The following NSL1 variants were observed in gnomAD, a reference collection of about 807,000 sequenced individuals.
The protein encoded by NSL1 is NSL1 component of MIS12 kinetochore complex, also known as kinetochore-associated protein NSL1 homolog.
Under a neutral mutation model 25.4 loss-of-function variants are expected in NSL1, and 11 were observed. The observed-to-expected ratio is 0.43, with a 90% CI of 0.27 to 0.72. The LOEUF (loss-of-function observed/expected upper bound fraction) is 0.72. Ranked by LOEUF, NSL1 falls within the 30% of genes least tolerant of loss-of-function variation. NSL1 has a pLI of 0.19. For missense variants in NSL1, 330 were observed against 342.7 expected, an observed-to-expected ratio of 0.96 and a Z score of 0.29; for synonymous variants, 118 against 120.6, an observed-to-expected ratio of 0.98 and a Z score of 0.14.
chr1:212,764,904 T>C (rs1196826601), intron 4 of NSL1, among the ~76,000 whole-genome samples: 1 of 142,810 alleles, frequency 7.0e-6, no homozygotes, highest in Non-Finnish European at 1.5e-5. Flanking sequence ...ACTGGAGATA[T>C]TGTAACTGAT....
chr1:212,762,166 C>T (rs994535885), intron 4 of NSL1, among the ~76,000 whole-genome samples: 10 of 151,772 alleles, frequency 6.6e-5, no homozygotes, highest in South Asian at 2.1e-4. Flanking sequence ...GGCATGGTTG[C>T]GCATGCCTAT....
intron 4 of NSL1, among the ~76,000 whole-genome samples, chr1:212,757,317 C>A (rs1056538499): frequency 6.6e-6 from 1 of 152,002 alleles, no homozygotes; most frequent in African/African-American, 2.4e-5. Flanking sequence ...CACTGGAGGG[C>A]CTTCAACAGG....
At chr1:212,765,919 G>A (rs1659785248) in intron 4 of NSL1, among the ~76,000 whole-genome samples, 1 of 151,934 alleles carries the variant, frequency 6.6e-6, no homozygotes, top group East Asian at 1.9e-4. Flanking sequence ...GGTGGATCAC[G>A]AGGTCAGGAG....
chr1:212,779,256 C>T (rs1328513192), intron 4 of NSL1, among the ~76,000 whole-genome samples: 11 of 149,976 alleles, frequency 7.3e-5, no homozygotes, highest in Admixed American at 1.3e-4. Flanking sequence ...GCCCCCCTCC[C>T]GGCCAGCCGC....
chr1:212,791,590 T>TTGC lies in NSL1; in HGVS notation c.171_173dup (p.Gln58dup). 1 of 1,613,874 alleles carries TTGC rather than the reference T, an allele frequency of 6.2e-7. No individual in the cohort carries two copies. The highest frequency in any genetic ancestry group is 8.5e-7 in the Non-Finnish European group (1 of 1,180,022). On this transcript the variant is annotated inframe_insertion, in exon 1 of 6. Transcript: ENST00000366977. ...CCTCCGGCAGAGCGTCCCCGAGCTT[T>TTGC]TGCACGAAGCGGCCGCACAGTTGTA... is the stretch of plus-strand genomic sequence containing the variant.
Position 212,735,397 on chromosome 1 carries a change from A to C in NSL1, c.*3011T>G, listed in dbSNP as rs555735943. On this transcript the variant is annotated 3_prime_UTR_variant, in exon 6 of 6. Coordinates refer to ENST00000366977, the MANE Select transcript of NSL1 (RefSeq NM_015471.4). Reference sequence around the variant, plus strand: ...ATAGGTGTTCACCAGAAATCAAACAAATTCAGCCTTAGAAAAGAAAAAGTA... The same window carrying C: ...ATAGGTGTTCACCAGAAATCAAACACATTCAGCCTTAGAAAAGAAAAAGTA... The C allele has an allele frequency of 2.6e-5, 26 of 985,314 alleles. No homozygotes were observed. In the South Asian group the frequency reaches 1.1e-3, roughly 41 times the overall value. 61.0% of individuals were successfully genotyped at this position (985,314 alleles called of 1,614,324 possible).
chr1:212,755,717 G>C (rs946628369), intron 4 of NSL1, among the ~76,000 whole-genome samples: 1 of 151,690 alleles, frequency 6.6e-6, no homozygotes, highest in Middle Eastern at 3.4e-3. Context: ...ATTGGGAGGC[G>C]AAGTTATGGT....
At chr1:212,753,818 A>G (rs1313171087) in intron 4 of NSL1, among the ~76,000 whole-genome samples, 1 of 152,272 alleles carries the variant, frequency 6.6e-6, no homozygotes, top group African/African-American at 2.4e-5. Context: ...TATAAGCTGT[A>G]ACAAGTACTA....
At chr1:212,750,718 T>C (rs1659030269) in intron 4 of NSL1, among the ~76,000 whole-genome samples, 1 of 152,008 alleles carries the variant, frequency 6.6e-6, no homozygotes, top group Non-Finnish European at 1.5e-5. Context: ...GGCAGGTAAA[T>C]CACCTGAGGT....
In NSL1 at chr1:212,739,990, A is replaced by G. The variant is rs3817109; in HGVS notation, c.500-389T>C. On this transcript the variant is annotated intron_variant, in intron 4 of 5. Transcript: ENST00000366977. Reference sequence around the variant, plus strand: ...ATATTCGATCTTAGAATATACAATCACACTGCACTGAGATCATGCCTAGAT... The same window carrying G: ...ATATTCGATCTTAGAATATACAATCGCACTGCACTGAGATCATGCCTAGAT... Among the ~76,000 whole-genome samples the G allele has an allele frequency of 2.6e-4, 40 of 152,306 alleles. 1 individual carries two copies. The East Asian group carries it at 6.7e-3, about 26-fold the overall frequency.
At chr1:212,747,534 T>C (rs1015919180) in intron 4 of NSL1, among the ~76,000 whole-genome samples, 10 of 152,216 alleles carry the variant, frequency 6.6e-5, no homozygotes, top group African/African-American at 1.9e-4. Context: ...AAATGACATC[T>C]TGACTACAAC....
At position 212,737,898 on chromosome 1, in the gene NSL1, T is replaced by C. The variant is rs1466193631; in HGVS notation, c.*510A>G. On this transcript the variant is annotated 3_prime_UTR_variant, in exon 6 of 6. Coordinates refer to ENST00000366977, the MANE Select transcript of NSL1 (RefSeq NM_015471.4). ...GGAGTAACAAAGTCAAAGCCAGTAT[T>C]ATCATCAGCACATTAATTTGATAAA... is the stretch of plus-strand genomic sequence containing the variant. 2 of 985,444 alleles carry C rather than the reference T, an allele frequency of 2.0e-6. No individual in the cohort carries two copies. Among genetic ancestry groups the C allele is most frequent in the Admixed American group, 1.2e-4 (2 of 16,272 alleles). The allele number at this position is 985,444 out of a possible 1,614,324, so 61.0% of individuals were successfully genotyped here. A position where few individuals can be genotyped will look rare whatever the true frequency, so the allele number is the denominator to read the frequency against.
At chr1:212,778,905 G>T (rs1354656272) in intron 4 of NSL1, among the ~76,000 whole-genome samples, 2 of 149,938 alleles carry the variant, frequency 1.3e-5, no homozygotes, top group African/African-American at 4.9e-5. Flanking sequence ...GCCCAGTCTG[G>T]AAAGTGAGGA....
rs1182373594 is a variant in NSL1, at chr1:212,779,153, C to A, written c.499+3219G>T. On this transcript the variant is annotated intron_variant, in intron 4 of 5. Transcript: ENST00000366977. Reference sequence around the variant, plus strand: ...ACCGCCCCATCTGAGAAATGAGGAGCCCCTCCGCCCGGCAACCACACCGTC... The same window carrying A: ...ACCGCCCCATCTGAGAAATGAGGAGACCCTCCGCCCGGCAACCACACCGTC... 6.6e-5 allele frequency among the ~76,000 whole-genome samples: 10 copies of A among 150,738 alleles called. No individual in the cohort carries two copies. In the East Asian group the frequency reaches 1.8e-3, roughly 27 times the overall value.
rs373620351 is a variant in NSL1, at chr1:212,738,702, C to G, written c.568-16G>C. On this transcript the variant is annotated splice_polypyrimidine_tract_variant and intron_variant, in intron 5 of 5. Transcript: ENST00000366977. ...CAGGCAAGGACTTCAAACAAACAAA[C>G]AGTAATATTCAACATTAATCTCAGG... 1.9e-6 allele frequency: 3 copies of G among 1,594,870 alleles called. No homozygotes were observed. In the East Asian group the frequency reaches 6.7e-5, roughly 36 times the overall value.
chr1:212,733,426 T>A lies in NSL1; in HGVS notation c.*4982A>T, dbSNP rs1324588517. On this transcript the variant is annotated 3_prime_UTR_variant, in exon 6 of 6. Transcript: ENST00000366977. The stretch of plus-strand genomic sequence containing the variant: ...CAGCTTGGGCAACACAGCAAGACCT[T>A]GTTTCACAAAAAAAAAAAAAAAAAA... 1.1e-5 allele frequency among the ~76,000 whole-genome samples: 1 copy of A among 89,916 alleles called. No individual in the cohort carries two copies. The highest frequency in any genetic ancestry group is 2.2e-5 in the Non-Finnish European group (1 of 45,788). 59.0% of individuals were successfully genotyped at this position (89,916 alleles called of 152,430 possible).
Position 212,727,933 on chromosome 1 carries a change from T to C in NSL1, c.*10475A>G. ...AGAAGAACCAACGAGGTCGCTGTGG[T>C]GTAGCGGTGAGAGCGTCTGAGACTC... On this transcript the variant is annotated 3_prime_UTR_variant, in exon 6 of 6. Transcript: ENST00000366977. The C allele has an allele frequency of 6.1e-6, 6 of 985,440 alleles. No homozygotes were observed. The highest frequency in any genetic ancestry group is 7.2e-6 in the Non-Finnish European group (6 of 829,930). The allele number at this position is 985,440 out of a possible 1,614,324, so 61.0% of individuals were successfully genotyped here.
At position 212,734,655 on chromosome 1, in the gene NSL1, A is replaced by C. The variant is rs1420462006; in HGVS notation, c.*3753T>G. Among the ~76,000 whole-genome samples, 1 of 152,138 alleles carries C rather than the reference A, an allele frequency of 6.6e-6. No homozygotes were observed. The highest frequency in any genetic ancestry group is 1.5e-5 in the Non-Finnish European group (1 of 68,018). On this transcript the variant is annotated 3_prime_UTR_variant, in exon 6 of 6. Transcript: ENST00000366977. ...TGCCTGGCTTTGCTTCTTTTATTCA[A>C]TATAGTATCTTTGATATTGATCCAC...
Position 212,731,784 on chromosome 1 carries a change from A to G in NSL1, c.*6624T>C, listed in dbSNP as rs1411856432. On this transcript the variant is annotated 3_prime_UTR_variant, in exon 6 of 6. Transcript: ENST00000366977. Reference sequence around the variant, plus strand: ...CTGCCATGTCAAAGCTGGTGTTCAGACAGTCACACTGTTACAAACATATGG... The same window carrying G: ...CTGCCATGTCAAAGCTGGTGTTCAGGCAGTCACACTGTTACAAACATATGG... 3.0e-6 allele frequency: 3 copies of G among 985,254 alleles called. No individual in the cohort carries two copies. Among genetic ancestry groups the G allele is most frequent in the African/African-American group, 1.7e-5 (1 of 57,210 alleles). The allele number at this position is 985,254 out of a possible 1,614,324, so 61.0% of individuals were successfully genotyped here.
Sources: allele counts gnomAD v4.1 joint callset (sites outside exome capture counted in the v4.1 genomes callset), GRCh38; gene constraint gnomAD v4.1.1; transcripts MANE v1.5; gene names NCBI Gene and HGNC (gene_info 2026-07-23, HGNC 2026-07-21).